Variants in FBXL7 observed in about 807,000 individuals in gnomAD.
FBXL7 encodes the protein F-box and leucine rich repeat protein 7.
Under a neutral mutation model 38.3 loss-of-function variants are expected in FBXL7, and 12 were observed. The ratio of observed to expected loss-of-function variants is 0.31; its 90% CI spans 0.20 to 0.51. The LOEUF is 0.51. Ranked by LOEUF, FBXL7 falls within the 20% of genes least tolerant of loss-of-function variation. The probability of loss-of-function intolerance (pLI) is 0.98; values close to 1 mark genes in which losing one functional copy is unlikely to be tolerated. For missense variants in FBXL7, 567 were observed against 676.4 expected, an observed-to-expected ratio of 0.84 and a Z score of 1.79; for synonymous variants, 297 against 300.9, an observed-to-expected ratio of 0.99 and a Z score of 0.13.
intron 2 of FBXL7, among the ~76,000 whole-genome samples, chr5:15,804,796 C>T (rs1285786652): frequency 6.6e-6 from 1 of 152,124 alleles, no homozygotes; most frequent in Non-Finnish European, 1.5e-5. Context: ...AAATCTAATG[C>T]CTGATGATCT....
intron 1 of FBXL7, among the ~76,000 whole-genome samples, chr5:15,552,863 C>T (rs931027454): frequency 3.3e-5 from 5 of 152,204 alleles, no homozygotes; most frequent in African/African-American, 9.6e-5. Flanking sequence ...GTGGGAAGAT[C>T]ACGAGGTCAA....
chr5:15,901,655 C>A (rs1741236604), intron 2 of FBXL7, among the ~76,000 whole-genome samples: 1 of 152,176 alleles, frequency 6.6e-6, no homozygotes, highest in Admixed American at 6.5e-5. Context: ...GATCTTACTG[C>A]TAAATTTTTC....
intron 2 of FBXL7, among the ~76,000 whole-genome samples, chr5:15,736,572 G>T (rs1207781967): frequency 1.3e-5 from 2 of 152,126 alleles, no homozygotes; most frequent in African/African-American, 4.8e-5. Context: ...ATTTCTAAGT[G>T]CAAAAGTATT....
chr5:15,895,790 C>A (rs1741083424), intron 2 of FBXL7, among the ~76,000 whole-genome samples: 1 of 149,694 alleles, frequency 6.7e-6, no homozygotes, highest in South Asian at 2.1e-4. Flanking sequence ...ACTACAGGTG[C>A]CCGCCACCAC....
intron 2 of FBXL7, among the ~76,000 whole-genome samples, chr5:15,854,443 G>A (rs1739193723): frequency 6.6e-6 from 1 of 152,134 alleles, no homozygotes; most frequent in African/African-American, 2.4e-5. Flanking sequence ...TATGTGCCAT[G>A]TGACTTTACC....
chr5:15,816,735 A>T (rs1279596664), intron 2 of FBXL7, among the ~76,000 whole-genome samples: 3 of 152,206 alleles, frequency 2.0e-5, no homozygotes, highest in Non-Finnish European at 4.4e-5. Flanking sequence ...TGGAATACAA[A>T]TAAAAAGTAT....
Position 15,624,407 on chromosome 5 carries a change from C to T in FBXL7, c.127+8335C>T, listed in dbSNP as rs147912152. ...TTTTCCCATTTGTCCTGAGAATCCT[C>T]GCCTGCACTTGTTGCTGCAGCATTT... is the stretch of plus-strand genomic sequence containing the variant. On this transcript the variant is annotated intron_variant, in intron 2 of 3. Coordinates refer to ENST00000504595, the MANE Select transcript of FBXL7 (RefSeq NM_012304.5). Among the ~76,000 whole-genome samples, 478 of 152,322 alleles carry T rather than the reference C, an allele frequency of 3.1e-3. 3 individuals are homozygous for T. Among genetic ancestry groups the T allele is most frequent in the African/African-American group, 0.011 (444 of 41,580 alleles).
At chr5:15,574,965 C>T (rs573666212) in intron 1 of FBXL7, among the ~76,000 whole-genome samples, 1 of 151,240 alleles carries the variant, frequency 6.6e-6, no homozygotes, top group East Asian at 1.9e-4. Context: ...TAGTTCTCAA[C>T]CAGTGCAGTT....
chr5:15,752,823 C>T (rs184197553), intron 2 of FBXL7, among the ~76,000 whole-genome samples: 2 of 152,326 alleles, frequency 1.3e-5, no homozygotes, highest in East Asian at 1.9e-4. Flanking sequence ...TTAAATTCGT[C>T]AACCACAAGT....
intron 2 of FBXL7, among the ~76,000 whole-genome samples, chr5:15,867,890 G>C (rs1364939075): frequency 6.6e-6 from 1 of 152,102 alleles, no homozygotes; most frequent in Non-Finnish European, 1.5e-5. Flanking sequence ...CGGATCACAA[G>C]GTCAAGAGAT....
At chr5:15,551,428 A>G (rs999807505) in intron 1 of FBXL7, among the ~76,000 whole-genome samples, 2 of 152,184 alleles carry the variant, frequency 1.3e-5, no homozygotes, top group Admixed American at 1.3e-4. Context: ...TGGTAGTCAC[A>G]CTGGGGGTCT....
chr5:15,659,198 A>T (rs1268371123), intron 2 of FBXL7, among the ~76,000 whole-genome samples: 2 of 152,214 alleles, frequency 1.3e-5, no homozygotes, highest in African/African-American at 4.8e-5. Context: ...CTGGGAGAAG[A>T]TAATTATAAT....
chr5:15,660,023 A>G (rs1742008627), intron 2 of FBXL7, among the ~76,000 whole-genome samples: 1 of 152,252 alleles, frequency 6.6e-6, no homozygotes, highest in African/African-American at 2.4e-5. Flanking sequence ...CCATACCACC[A>G]TCACAGTTTC....
At chr5:15,718,380 A>G (rs1375961004) in intron 2 of FBXL7, among the ~76,000 whole-genome samples, 1 of 152,224 alleles carries the variant, frequency 6.6e-6, no homozygotes, top group African/African-American at 2.4e-5. Flanking sequence ...TCAGCTAAAC[A>G]GAAGTGGAGA....
At chr5:15,510,372 T>C (rs1431440907) in intron 1 of FBXL7, among the ~76,000 whole-genome samples, 2 of 152,124 alleles carry the variant, frequency 1.3e-5, no homozygotes, top group Non-Finnish European at 2.9e-5. Context: ...TTTGGCAAGG[T>C]GGAGAAGTCA....
chr5:15,721,725 T>G (rs919442741), intron 2 of FBXL7, among the ~76,000 whole-genome samples: 1 of 152,208 alleles, frequency 6.6e-6, no homozygotes, highest in Admixed American at 6.5e-5. Flanking sequence ...TTTCTTTTCA[T>G]ATTGCCTCTA....
intron 1 of FBXL7, among the ~76,000 whole-genome samples, chr5:15,559,662 A>C (rs1738353804): frequency 6.6e-6 from 1 of 152,214 alleles, no homozygotes; most frequent in Admixed American, 6.5e-5. Context: ...GAATATACCT[A>C]ATATTTGATA....
At chr5:15,823,420 A>G (rs975947817) in intron 2 of FBXL7, among the ~76,000 whole-genome samples, 2 of 152,206 alleles carry the variant, frequency 1.3e-5, no homozygotes, top group African/African-American at 4.8e-5. Flanking sequence ...AGCATGTGTA[A>G]TCTCACACAT....
chr5:15,539,052 T>G (rs956113753), intron 1 of FBXL7, among the ~76,000 whole-genome samples: 1 of 152,216 alleles, frequency 6.6e-6, no homozygotes, highest in Non-Finnish European at 1.5e-5. Flanking sequence ...TAAAATGATT[T>G]GCAGATGGTT....
Sources: gnomAD v4.1 joint callset for allele counts (sites outside exome capture counted in the v4.1 genomes callset) on GRCh38, gnomAD v4.1.1 for gene constraint, MANE v1.5 for transcripts, NCBI Gene and HGNC (gene_info 2026-07-23, HGNC 2026-07-21) for gene names.